The following CYFIP2 variants were observed in gnomAD, a reference collection of about 807,000 sequenced individuals.
CYFIP2 encodes cytoplasmic FMR1-interacting protein 2.
A neutral mutation model predicts 158.7 loss-of-function variants in CYFIP2; 29 were observed. The ratio of observed to expected loss-of-function variants is 0.18; its 90% CI spans 0.14 to 0.25. CYFIP2 has a LOEUF of 0.25. Ranked by LOEUF, CYFIP2 falls within the 10% of genes least tolerant of loss-of-function variation. The pLI, the probability that CYFIP2 is intolerant of heterozygous loss-of-function variation, is 1.00. For missense variants in CYFIP2, 852 were observed against 1,639.5 expected, an observed-to-expected ratio of 0.52 and a Z score of 8.29; for synonymous variants, 585 against 617.6, an observed-to-expected ratio of 0.95 and a Z score of 0.78.
rs1331446131 is a variant in CYFIP2, at chr5:157,302,832, C to A, written c.608C>A (p.Ser203Tyr). Reference sequence around the variant, plus strand: ...CTGCGGAAGATGGCAGATCCCCAGTCTATCCAGGAGTCGCAGAACCTTTCC... The same window carrying A: ...CTGCGGAAGATGGCAGATCCCCAGTATATCCAGGAGTCGCAGAACCTTTCC... ...QFLRKMADPQ[S>Y]IQESQNLSMF... The change falls in exon 7 of 31, where the codon TCT becomes TAT. Residue 203 changes from serine (S) to tyrosine (Y), a missense_variant. Coordinates refer to ENST00000620254, the MANE Select transcript of CYFIP2 (RefSeq NM_001037333.3). 1 of 1,587,778 alleles carries A rather than the reference C, an allele frequency of 6.3e-7. No individual in the cohort carries two copies. Among genetic ancestry groups the A allele is most frequent in the Admixed American group, 1.8e-5 (1 of 56,076 alleles).
intron 15 of CYFIP2, among the ~76,000 whole-genome samples, chr5:157,321,452 C>G (rs1050429175): frequency 2.0e-5 from 3 of 152,196 alleles, no homozygotes; most frequent in Non-Finnish European, 4.4e-5. Flanking sequence ...AGCTTCTGCA[C>G]AAGAGGTCGC....
At chr5:157,319,688 C>G in intron 13 of CYFIP2, 74 bp from the exon 14 acceptor site, 1 of 1,551,436 alleles carries the variant, frequency 6.4e-7, no homozygotes, top group Non-Finnish European at 8.7e-7. Flanking sequence ...CCTCCCCTGG[C>G]AGGGCGGTGA....
chr5:157,309,700 C>T (rs1448377027), intron 9 of CYFIP2, 43 bp from the exon 10 acceptor site: 10 of 1,552,870 alleles, frequency 6.4e-6, no homozygotes, highest in African/African-American at 5.4e-5. Flanking sequence ...GCCACCCCAA[C>T]CCCTCCTCAG....
chr5:157,304,447 AC>A, intron 8 of CYFIP2, 81 bp downstream of exon 8: 2 of 1,482,920 alleles, frequency 1.3e-6, no homozygotes, highest in Admixed American at 4.3e-5. Flanking sequence ...GTTTTAAAAA[AC>A]AATGTTTCTT....
At chr5:157,317,232 T>C (rs1282640881) in intron 13 of CYFIP2, among the ~76,000 whole-genome samples, 1 of 152,140 alleles carries the variant, frequency 6.6e-6, no homozygotes, top group Non-Finnish European at 1.5e-5. Context: ...ATTACTTTGC[T>C]ATACATTGGG....
chr5:157,287,668 T>C (rs954387433), intron 3 of CYFIP2, among the ~76,000 whole-genome samples: 2 of 152,226 alleles, frequency 1.3e-5, no homozygotes, highest in Non-Finnish European at 2.9e-5. Flanking sequence ...GAATTCCAAA[T>C]TCCATGTTCA....
intron 15 of CYFIP2, among the ~76,000 whole-genome samples, chr5:157,322,366 G>C (rs1204689005): frequency 6.6e-6 from 1 of 152,234 alleles, no homozygotes; most frequent in Admixed American, 6.5e-5. Context: ...GCATAGTTGG[G>C]ATAGAGACTG....
chr5:157,354,791 T>C (rs918162625), intron 23 of CYFIP2, among the ~76,000 whole-genome samples: 1 of 152,126 alleles, frequency 6.6e-6, no homozygotes. Context: ...CCTTACGTGG[T>C]AAAACAGTTC....
intron 1 of CYFIP2, among the ~76,000 whole-genome samples, chr5:157,275,883 CT>C (rs1297351263): frequency 1.3e-5 from 2 of 152,182 alleles, no homozygotes; most frequent in African/African-American, 4.8e-5. Context: ...AAGTTTATTT[CT>C]AAGTATTGTA....
At chr5:157,337,407 T>C (rs1371330313) in intron 21 of CYFIP2, among the ~76,000 whole-genome samples, 2 of 152,168 alleles carry the variant, frequency 1.3e-5, no homozygotes, top group East Asian at 3.8e-4. Context: ...GCTCCACCTT[T>C]ACCTGGGCAG....
intron 30 of CYFIP2, 35 bp downstream of exon 30, chr5:157,390,703 G>T: frequency 1.3e-6 from 2 of 1,568,054 alleles, no homozygotes; most frequent in East Asian, 2.3e-5. Flanking sequence ...TGGGAGGTGG[G>T]GCTGGGCTGA....
intron 23 of CYFIP2, among the ~76,000 whole-genome samples, chr5:157,347,166 A>AAGGTT (rs1381942804): frequency 1.4e-4 from 22 of 152,124 alleles, no homozygotes; most frequent in Non-Finnish European, 1.2e-4. Flanking sequence ...TTAATGATAA[A>AAGGTT]AGGTTAGGAA....
chr5:157,275,269 T>C (rs1018370690), intron 1 of CYFIP2, among the ~76,000 whole-genome samples: 12 of 152,348 alleles, frequency 7.9e-5, no homozygotes, highest in African/African-American at 1.9e-4. Context: ...TGTACTCTTA[T>C]GAGTTTTATA....
intron 8 of CYFIP2, 114 bp from the exon 9 acceptor site, chr5:157,307,647 G>GTGTGTGTGTC (rs1389335404): frequency 1.6e-6 from 1 of 609,404 alleles, no homozygotes; most frequent in South Asian, 2.0e-5. Context: ...GTGTGTGTGT[G>GTGTGTGTGTC]TGTGTGTGTA....
chr5:157,360,418 G>A (rs760880399), intron 25 of CYFIP2, 46 bp downstream of exon 25: 5 of 1,546,612 alleles, frequency 3.2e-6, no homozygotes, highest in Non-Finnish European at 3.5e-6. Context: ...GGTGGGGAGG[G>A]AGGCTCTGAC....
At chr5:157,333,630 C>A (rs1389436618) in intron 21 of CYFIP2, among the ~76,000 whole-genome samples, 184 bp downstream of exon 21, 1 of 152,114 alleles carries the variant, frequency 6.6e-6, no homozygotes, top group African/African-American at 2.4e-5. Flanking sequence ...TTCCTGATTG[C>A]CTTGGGAACG....
At position 157,394,988 on chromosome 5, in the gene CYFIP2, G is replaced by C. The variant is rs1581222544; in HGVS notation, c.*1988G>C. ...GGTAGCTGGCTCTCTGTAGCTGATAGATGGCTAGAGTTCCATCCAAATCCT... is the reference window on the plus strand; with the variant it reads ...GGTAGCTGGCTCTCTGTAGCTGATACATGGCTAGAGTTCCATCCAAATCCT... On this transcript the variant is annotated 3_prime_UTR_variant, in exon 31 of 31. Transcript: ENST00000620254. 1 of 153,146 alleles carries C rather than the reference G, an allele frequency of 6.5e-6. No individual in the cohort carries two copies. The highest frequency in any genetic ancestry group is 6.5e-5 in the Admixed American group (1 of 15,298). 9.5% of individuals were successfully genotyped at this position (153,146 alleles called of 1,614,324 possible).
intron 23 of CYFIP2, among the ~76,000 whole-genome samples, chr5:157,345,222 G>A (rs1218818592): frequency 6.6e-6 from 1 of 152,206 alleles, no homozygotes; most frequent in Non-Finnish European, 1.5e-5. Context: ...GCAGCCACCT[G>A]TGTAAAACCT....
chr5:157,310,177 C>A (rs1759589173), intron 10 of CYFIP2, among the ~76,000 whole-genome samples: 1 of 152,206 alleles, frequency 6.6e-6, no homozygotes, highest in Non-Finnish European at 1.5e-5. Context: ...TGTTCCTCCT[C>A]ACACTGATCC....
Sources: allele counts gnomAD v4.1 joint callset (sites outside exome capture counted in the v4.1 genomes callset), GRCh38; gene constraint gnomAD v4.1.1; transcripts MANE v1.5; gene names NCBI Gene and HGNC (gene_info 2026-07-23, HGNC 2026-07-21).